Variants in ZNF536 observed in about 807,000 individuals in gnomAD.
The protein encoded by ZNF536 is zinc finger protein 536.
A neutral mutation model predicts 84.5 loss-of-function variants in ZNF536; 13 were observed. The ratio of observed to expected loss-of-function variants is 0.15; its 90% CI spans 0.10 to 0.24. ZNF536 has a LOEUF of 0.24. Among genes scored for constraint, ZNF536 ranks in the 10% least tolerant of loss-of-function variants. ZNF536 has a pLI of 1.00. For missense variants in ZNF536, 1,536 were observed against 1,747.5 expected, an observed-to-expected ratio of 0.88 and a Z score of 2.16; for synonymous variants, 811 against 742.5, an observed-to-expected ratio of 1.09 and a Z score of -1.50.
chr19:30,513,547 A>T (rs375089305), intron 2 of ZNF536, among the ~76,000 whole-genome samples: 1 of 152,198 alleles, frequency 6.6e-6, no homozygotes, highest in Admixed American at 6.5e-5. Context: ...TAAAAATAAC[A>T]TTTATTAAAT....
chr19:30,679,650 A>C (rs2050889844), intron 1 of ZNF536, among the ~76,000 whole-genome samples: 2 of 152,268 alleles, frequency 1.3e-5, no homozygotes, highest in South Asian at 4.1e-4. Context: ...GCTGCAGGAC[A>C]ACCCAGCAGG....
intron 1 of ZNF536, among the ~76,000 whole-genome samples, chr19:30,657,269 C>G (rs1011118322): frequency 1.6e-4 from 24 of 152,314 alleles, no homozygotes; most frequent in African/African-American, 5.8e-4. Flanking sequence ...GTCACCAAAA[C>G]TGCCTCAGCT....
chr19:30,602,356 G>A (rs1292104368), intron 1 of ZNF536, among the ~76,000 whole-genome samples: 2 of 152,138 alleles, frequency 1.3e-5, no homozygotes, highest in African/African-American at 2.4e-5. Flanking sequence ...AGATTATATG[G>A]GAAAAAAGGC....
intron 2 of ZNF536, chr19:30,300,458 T>A (rs545274518): frequency 6.6e-6 from 1 of 152,264 alleles, no homozygotes; most frequent in Admixed American, 6.5e-5. Context: ...ACTGGGCACC[T>A]TCGGCCGCAG....
intron 2 of ZNF536, among the ~76,000 whole-genome samples, chr19:30,504,006 A>G (rs1188810169): frequency 6.6e-6 from 1 of 151,970 alleles, no homozygotes; most frequent in Admixed American, 6.6e-5. Flanking sequence ...CCAGTTGGGA[A>G]GTGTAACTGA....
intron 1 of ZNF536, among the ~76,000 whole-genome samples, chr19:30,417,148 ATTTTTTTTTT>A (rs71173904): frequency 0.4 from 40,227 of 100,284 alleles, 6,867 homozygotes; most frequent in Middle Eastern, 0.55. Context: ...TAATTTTTGT[ATTTTTTTTTT>A]TTTTTTTTTT....
chr19:30,479,124 C>G (rs750990276), intron 2 of ZNF536, among the ~76,000 whole-genome samples: 3 of 152,206 alleles, frequency 2.0e-5, no homozygotes, highest in Non-Finnish European at 2.9e-5. Context: ...TAAATACACC[C>G]TAACATCTCA....
chr19:30,320,095 C>T lies in ZNF536; in HGVS notation c.-119-32273C>T, dbSNP rs896301212. Among the ~76,000 whole-genome samples, 4 of 152,138 alleles carry T rather than the reference C, an allele frequency of 2.6e-5. No individual in the cohort carries two copies. The South Asian group carries it at 8.3e-4, about 32-fold the overall frequency. ...GTTACTGGCAATCCCCATGTTCTGACATCTGTTCCTCTCTAAACATTTTAC... is the reference window on the plus strand; with the variant it reads ...GTTACTGGCAATCCCCATGTTCTGATATCTGTTCCTCTCTAAACATTTTAC... On this transcript the variant is annotated intron_variant, in intron 2 of 5. Coordinates refer to the ZNF536 transcript ENST00000585628.
At chr19:30,374,095 GCCT>G (rs2048715758) in intron 1 of ZNF536, among the ~76,000 whole-genome samples, 2 of 152,206 alleles carry the variant, frequency 1.3e-5, no homozygotes, top group Admixed American at 1.3e-4. Flanking sequence ...GCATTATTTC[GCCT>G]GAGTCCGTAA....
chr19:30,421,113 A>G (rs922114524), intron 1 of ZNF536, among the ~76,000 whole-genome samples: 3 of 152,198 alleles, frequency 2.0e-5, no homozygotes, highest in African/African-American at 7.2e-5. Context: ...TAACCAAGAC[A>G]GGGTCCTTGG....
At chr19:30,387,271 A>C (rs1323846207) in intron 1 of ZNF536, among the ~76,000 whole-genome samples, 1 of 152,192 alleles carries the variant, frequency 6.6e-6, no homozygotes, top group African/African-American at 2.4e-5. Context: ...AATTTGCAAA[A>C]GGGGCTGTAA....
chr19:30,332,185 GC>G (rs1345487803), intron 2 of ZNF536, among the ~76,000 whole-genome samples: 1 of 152,012 alleles, frequency 6.6e-6, no homozygotes, highest in African/African-American at 2.4e-5. Context: ...TCTCCTCTTT[GC>G]CCCCCGGCCT....
At chr19:30,258,729 A>ATTT (rs55881585) in intron 1 of ZNF536, among the ~76,000 whole-genome samples, 2 of 144,146 alleles carry the variant, frequency 1.4e-5, no homozygotes, top group African/African-American at 2.7e-5. Context: ...TTATTTATTT[A>ATTT]ATTTTTGAGA....
chr19:30,627,215 C>T (rs953019761), intron 1 of ZNF536, among the ~76,000 whole-genome samples: 3 of 151,954 alleles, frequency 2.0e-5, no homozygotes, highest in Non-Finnish European at 4.4e-5. Flanking sequence ...CCTATCATCC[C>T]AACACTTTGG....
At chr19:30,569,923 T>C (rs2146534928) in intron 1 of ZNF536, among the ~76,000 whole-genome samples, 1 of 152,042 alleles carries the variant, frequency 6.6e-6, no homozygotes, top group East Asian at 1.9e-4. Flanking sequence ...CCGGGGGCTG[T>C]GGATAGCAGT....
At chr19:30,227,597 C>T (rs931242876), upstream of ZNF536, among the ~76,000 whole-genome samples, 1 of 152,052 alleles carries the variant, frequency 6.6e-6, no homozygotes, top group African/African-American at 2.4e-5. Context: ...GGGGCTCGGG[C>T]ACCCGGTGCG....
intron 1 of ZNF536, among the ~76,000 whole-genome samples, chr19:30,696,874 C>T (rs2051683491): frequency 6.6e-6 from 1 of 152,180 alleles, no homozygotes; most frequent in African/African-American, 2.4e-5. Context: ...CCTCAAGCTG[C>T]AGGGAGACAG....
In ZNF536 at chr19:30,711,948, T is replaced by A. The variant is rs374227157; in HGVS notation, c.*947T>A. 1.2e-4 allele frequency: 18 copies of A among 152,286 alleles called. No individual in the cohort carries two copies. The East Asian group carries it at 2.9e-3, about 24-fold the overall frequency. The allele number at this position is 152,286 out of a possible 1,614,324, so 9.4% of individuals were successfully genotyped here. A position where few individuals can be genotyped will look rare whatever the true frequency, so the allele number is the denominator to read the frequency against. On this transcript the variant is annotated 3_prime_UTR_variant, in exon 2 of 2. Transcript: ENST00000592773. ...AAAATTTTACTTGAATGAAGGCTGCTCCGGTCCTTATTATCGGATTTTTTT... is the reference window on the plus strand; with the variant it reads ...AAAATTTTACTTGAATGAAGGCTGCACCGGTCCTTATTATCGGATTTTTTT...
At chr19:30,542,897 C>T (rs1026380523) in intron 3 of ZNF536, among the ~76,000 whole-genome samples, 1 of 152,144 alleles carries the variant, frequency 6.6e-6, no homozygotes, top group African/African-American at 2.4e-5. Flanking sequence ...TTGCAGCCTC[C>T]AACTCCTGGA....
Sources: allele counts gnomAD v4.1 joint callset (sites outside exome capture counted in the v4.1 genomes callset), GRCh38; gene constraint gnomAD v4.1.1; transcripts MANE v1.5; gene names NCBI Gene and HGNC (gene_info 2026-07-23, HGNC 2026-07-21).